The following ASXL1 variants were observed in gnomAD, a reference collection of about 807,000 sequenced individuals.
The protein encoded by ASXL1 is polycomb group protein ASXL1.
In ASXL1, 65 loss-of-function variants were observed where a neutral mutation model predicts 89.1. That is an observed-to-expected ratio of 0.73 (90% CI 0.60 to 0.90). ASXL1 has a LOEUF of 0.90. ASXL1 is among the 40% of genes least tolerant of loss of function. The pLI is 0.00. For missense variants in ASXL1, 1,786 were observed against 1,942.9 expected (o/e 0.92, Z 1.52); for synonymous variants, 739 against 746.9 (o/e 0.99, Z 0.17).
At chr20:32,406,601 C>T (rs1329524783) in intron 4 of ASXL1, among the ~76,000 whole-genome samples, 1 of 152,146 alleles carries the variant, frequency 6.6e-6, no homozygotes, top group Non-Finnish European at 1.5e-5. Context: ...CCACTCTTCA[C>T]TGTTGCAGCC....
intron 4 of ASXL1, among the ~76,000 whole-genome samples, chr20:32,379,382 T>C (rs191609248): frequency 4.0e-5 from 6 of 148,592 alleles, no homozygotes; most frequent in Admixed American, 1.3e-4. Flanking sequence ...ATTATTATTA[T>C]TTTTTAGTAG....
At chr20:32,368,925 C>T (rs929916229) in intron 3 of ASXL1, 90 bp from the exon 4 acceptor site, 12 of 1,060,224 alleles carry the variant, frequency 1.1e-5, no homozygotes, top group Non-Finnish European at 1.7e-5. Flanking sequence ...TGCTTAGCTT[C>T]TTCTCATTTA....
rs2011760961 is a variant in ASXL1, at chr20:32,435,310, AG to A, written c.2601del (p.Gly869ValfsTer7). The A allele has an allele frequency of 6.2e-7, 1 of 1,614,098 alleles. No individual in the cohort carries two copies. The part of the protein sequence containing the change: ...LQNRAFDDEL[G>X]LGGSCPPMRE... ...AGAACAGAGCATTTGATGACGAATT[AG>A]GGCTTGGTGGCTCATGCCCTCCTAT... is the stretch of plus-strand genomic sequence containing the variant. On this transcript the variant is annotated frameshift_variant, in exon 13 of 13. Coordinates refer to ENST00000375687, the MANE Select transcript of ASXL1 (RefSeq NM_015338.6). LOFTEE classifies it low-confidence loss of function (END_TRUNC).
intron 3 of ASXL1, 87 bp from the exon 4 acceptor site, chr20:32,368,928 C>A (rs754345558): frequency 9.9e-5 from 108 of 1,092,196 alleles, no homozygotes; most frequent in Non-Finnish European, 1.4e-4. Context: ...TTAGCTTCTT[C>A]TCATTTAAGA....
At chr20:32,390,539 C>T (rs868086944) in intron 4 of ASXL1, among the ~76,000 whole-genome samples, 10 of 152,016 alleles carry the variant, frequency 6.6e-5, no homozygotes, top group African/African-American at 1.9e-4. Context: ...GTGGCATGAT[C>T]GTAGCTCACT....
At chr20:32,359,659 C>T (rs1265880933) in intron 1 of ASXL1, 3 of 717,162 alleles carry the variant, frequency 4.2e-6, no homozygotes, top group East Asian at 5.4e-5. Context: ...TGGACAAAGA[C>T]AAAGTATCTC....
chr20:32,380,816 G>A (rs2048473911), intron 4 of ASXL1, among the ~76,000 whole-genome samples: 1 of 152,182 alleles, frequency 6.6e-6, no homozygotes. Flanking sequence ...AATGACTGGA[G>A]TAAGCTTAGA....
In ASXL1 at chr20:32,437,334, G is replaced by A. The variant is rs1221897744; in HGVS notation, c.4622G>A (p.Arg1541Lys). 3 of 1,613,862 alleles carry A rather than the reference G, an allele frequency of 1.9e-6. No homozygotes were observed. The highest frequency in any genetic ancestry group is 2.5e-6 in the Non-Finnish European group (3 of 1,179,976). The change falls in exon 13 of 13, where the codon AGA (arginine) becomes AAA (lysine). Residue 1541 changes from arginine to lysine, a missense_variant. Physicochemically the swap from Arg to Lys is conservative, Grantham distance 26. Transcript: ENST00000375687. Reference sequence around the variant, plus strand: ...CTCTGTGTATTGTGCCTTGTGGTGAGATAATAAATTATGGCCATGGGAAAC... The same window carrying A: ...CTCTGTGTATTGTGCCTTGTGGTGAAATAATAAATTATGGCCATGGGAAAC... ...SKLCVLCLVVR is the reference protein window; with the variant it reads ...SKLCVLCLVVK
intron 4 of ASXL1, among the ~76,000 whole-genome samples, chr20:32,409,943 C>T (rs1427686659): frequency 6.6e-6 from 1 of 151,974 alleles, no homozygotes; most frequent in Non-Finnish European, 1.5e-5. Flanking sequence ...AAAGTACAGA[C>T]CATTTATTTT....
At chr20:32,359,454 C>T (rs1465141978) in intron 1 of ASXL1, 2 of 695,724 alleles carry the variant, frequency 2.9e-6, no homozygotes, top group East Asian at 2.7e-5. Context: ...TAGGGCCCTT[C>T]GTAAGACCTG....
intron 8 of ASXL1, chr20:32,430,784 G>A: frequency 3.1e-6 from 1 of 327,668 alleles, no homozygotes; most frequent in South Asian, 4.5e-5. Flanking sequence ...CAGGTCTCTA[G>A]TCCTAGTGAG....
At chr20:32,385,883 C>T (rs2048571317) in intron 4 of ASXL1, among the ~76,000 whole-genome samples, 1 of 152,146 alleles carries the variant, frequency 6.6e-6, no homozygotes, top group Non-Finnish European at 1.5e-5. Flanking sequence ...GCCACACTGC[C>T]CTTCTTTCAG....
intron 4 of ASXL1, among the ~76,000 whole-genome samples, chr20:32,409,849 A>G (rs751288546): frequency 5.3e-5 from 8 of 152,210 alleles, no homozygotes; most frequent in Non-Finnish European, 7.3e-5. Context: ...CCTTGATCAC[A>G]TGGTACATTT....
At chr20:32,431,025 A>G in intron 8 of ASXL1, 1 of 582,912 alleles carries the variant, frequency 1.7e-6, no homozygotes, top group Non-Finnish European at 3.2e-6. Flanking sequence ...TTTGGAGGGA[A>G]GCTCAGAACC....
At chr20:32,403,457 C>T (rs1459291949) in intron 4 of ASXL1, among the ~76,000 whole-genome samples, 6 of 152,100 alleles carry the variant, frequency 3.9e-5, no homozygotes, top group Non-Finnish European at 5.9e-5. Flanking sequence ...GTGTTTTGCC[C>T]GGGCTGGGGT....
chr20:32,393,996 A>ATT (rs11312197), intron 4 of ASXL1, among the ~76,000 whole-genome samples: 3 of 100,958 alleles, frequency 3.0e-5, no homozygotes, highest in Non-Finnish European at 6.0e-5. Flanking sequence ...ACACCTGGCT[A>ATT]TTTTTTTTTT....
chr20:32,402,560 T>G (rs996582386), intron 4 of ASXL1, among the ~76,000 whole-genome samples: 3 of 152,242 alleles, frequency 2.0e-5, no homozygotes, highest in African/African-American at 7.2e-5. Flanking sequence ...TGGTGGTAGT[T>G]TTTCATTCCC....
intron 4 of ASXL1, among the ~76,000 whole-genome samples, chr20:32,378,109 C>T (rs1187604335): frequency 6.9e-6 from 1 of 145,922 alleles, no homozygotes; most frequent in Non-Finnish European, 1.5e-5. Context: ...CCCACTTTAG[C>T]CTCCCAGGTA....
intron 4 of ASXL1, among the ~76,000 whole-genome samples, chr20:32,396,469 A>G (rs555854152): frequency 2.0e-5 from 3 of 152,192 alleles, no homozygotes; most frequent in Non-Finnish European, 4.4e-5. Context: ...GTAAGGGTAT[A>G]CAGATATACA....
Sources: gnomAD v4.1 joint callset for allele counts (sites outside exome capture counted in the v4.1 genomes callset) on GRCh38, gnomAD v4.1.1 for gene constraint, MANE v1.5 for transcripts, NCBI Gene and HGNC (gene_info 2026-07-23, HGNC 2026-07-21) for gene names.